NFIB: variants seen among roughly 807,000 people sequenced by gnomAD.
NFIB encodes nuclear factor 1 B-type.
A neutral mutation model predicts 61.5 loss-of-function variants in NFIB; 11 were observed. That is an observed-to-expected ratio of 0.18 (90% CI 0.11 to 0.30). NFIB has a LOEUF of 0.30. Ranked by LOEUF, NFIB falls within the 10% of genes least tolerant of loss-of-function variation. The pLI, the probability that NFIB is intolerant of heterozygous loss-of-function variation, is 1.00. For synonymous variants in NFIB, 260 were observed against 216.5 expected (o/e 1.20, Z -1.76); for missense variants, 471 against 608.9 (o/e 0.77, Z 2.38).
chr9:14,301,041 G>C (rs963878635), intron 2 of NFIB, among the ~76,000 whole-genome samples: 2 of 152,170 alleles, frequency 1.3e-5, no homozygotes, highest in Non-Finnish European at 2.9e-5. Flanking sequence ...GTAAGTAAAT[G>C]AAAAATCCTA....
rs1443077421 is a variant in NFIB, at chr9:14,388,410, A to C, written c.108+10114T>G. On this transcript the variant is annotated intron_variant, in intron 1 of 8. Transcript: ENST00000380934. The stretch of plus-strand genomic sequence containing the variant: ...AAGGAAGGAAGGAAGGAAGGAAGGA[A>C]GGAAGGAAGGAAGGAAGGAGAGAGA... Among the ~76,000 whole-genome samples, 13 of 135,504 alleles carry C rather than the reference A, an allele frequency of 9.6e-5. 1 individual carries two copies. The highest frequency in any genetic ancestry group is 4.2e-4 in the African/African-American group (13 of 30,750). 88.9% of individuals were successfully genotyped at this position (135,504 alleles called of 152,430 possible).
chr9:14,213,320 C>T (rs754969523), intron 2 of NFIB, among the ~76,000 whole-genome samples: 14 of 152,092 alleles, frequency 9.2e-5, no homozygotes, highest in African/African-American at 3.1e-4. Flanking sequence ...AAAGTTAACG[C>T]GGGCCCCCAG....
chr9:14,260,467 T>C (rs967034933), intron 2 of NFIB, among the ~76,000 whole-genome samples: 1 of 152,216 alleles, frequency 6.6e-6, no homozygotes, highest in Non-Finnish European at 1.5e-5. Flanking sequence ...GTTTGTCACT[T>C]TCTAAAGATT....
chr9:14,272,266 C>G (rs955695250), intron 2 of NFIB, among the ~76,000 whole-genome samples: 2 of 152,062 alleles, frequency 1.3e-5, no homozygotes, highest in Non-Finnish European at 2.9e-5. Context: ...ATTTTTCAAT[C>G]TGGCTTTTTG....
chr9:14,281,341 C>T (rs780976790), intron 2 of NFIB, among the ~76,000 whole-genome samples: 51 of 152,190 alleles, frequency 3.4e-4, no homozygotes, highest in Non-Finnish European at 6.6e-4. Context: ...AGAACTAGTA[C>T]ATTTATAAAG....
chr9:14,210,427 A>G (rs953635656), intron 2 of NFIB, among the ~76,000 whole-genome samples: 1 of 152,184 alleles, frequency 6.6e-6, no homozygotes, highest in African/African-American at 2.4e-5. Flanking sequence ...GAACTTAAAA[A>G]GTGATTAAAA....
chr9:14,402,693 TA>T (rs1035642777), upstream of NFIB, among the ~76,000 whole-genome samples: 6 of 152,094 alleles, frequency 3.9e-5, no homozygotes, highest in Non-Finnish European at 8.8e-5. Flanking sequence ...AAGGGGGAAA[TA>T]AAAATCATCC....
the NFIB span, among the ~76,000 whole-genome samples, chr9:14,522,656 C>T: frequency 1.3e-5 from 2 of 152,152 alleles, no homozygotes; most frequent in African/African-American, 4.8e-5. Context: ...TAACTATTAT[C>T]CCCTGCAGTG....
chr9:14,263,138 A>G (rs2132254979), intron 2 of NFIB, among the ~76,000 whole-genome samples: 1 of 152,162 alleles, frequency 6.6e-6, no homozygotes, highest in South Asian at 2.1e-4. Flanking sequence ...GTGGGTTGTT[A>G]TGGCTTTTTG....
intron 1 of NFIB, chr9:14,322,237 T>G (rs969057335): frequency 5.9e-6 from 4 of 683,608 alleles, no homozygotes; most frequent in Admixed American, 9.1e-5. Flanking sequence ...TTTCCAGCTT[T>G]CTTTCCTCTC....
At chr9:14,194,554 C>T (rs2131581560) in intron 2 of NFIB, among the ~76,000 whole-genome samples, 1 of 151,246 alleles carries the variant, frequency 6.6e-6, no homozygotes, top group East Asian at 1.9e-4. Flanking sequence ...AAGTTACAGT[C>T]AAAAAAGAAA....
chr9:14,105,056 GT>G (rs2036354150), intron 10 of NFIB, among the ~76,000 whole-genome samples: 1 of 152,048 alleles, frequency 6.6e-6, no homozygotes, highest in Non-Finnish European at 1.5e-5. Flanking sequence ...AAATGAGTTA[GT>G]TTTTTTGTTG....
chr9:14,127,364 G>A (rs2039804552), intron 6 of NFIB, among the ~76,000 whole-genome samples: 1 of 152,118 alleles, frequency 6.6e-6, no homozygotes, highest in Non-Finnish European at 1.5e-5. Context: ...AATGTTAACT[G>A]TATTCACAAG....
At chr9:14,331,510 A>G (rs2060820167) in intron 1 of NFIB, among the ~76,000 whole-genome samples, 1 of 151,896 alleles carries the variant, frequency 6.6e-6, no homozygotes, top group Non-Finnish European at 1.5e-5. Flanking sequence ...AGTTTTGGAT[A>G]TAGCCAGGAT....
intron 3 of NFIB, among the ~76,000 whole-genome samples, chr9:14,164,453 T>A (rs936780188): frequency 1.9e-4 from 29 of 152,118 alleles, no homozygotes; most frequent in African/African-American, 6.8e-4. Flanking sequence ...GACAATGGTA[T>A]GTGTGTATCT....
rs1190986531 is a variant in NFIB, at chr9:14,313,544, GC to G, written c.-34del. On this transcript the variant is annotated 5_prime_UTR_variant, in exon 1 of 11. It removes the in-frame stop codon of an upstream open reading frame in the 5' UTR. Transcript: ENST00000380953. This position sits in a 1 kb window ranked among gnomAD's most constrained non-coding sequence, Gnocchi z 4.5. The stretch of plus-strand genomic sequence containing the variant: ...CCTTAAAACGCACTTTCCGGGAGAT[GC>G]CCAAGAAAATCTTCGAGAAGCAAGA... 1 of 1,613,254 alleles carries G rather than the reference GC, an allele frequency of 6.2e-7. No homozygotes were observed.
At chr9:14,305,553 T>C (rs1284716906) in intron 2 of NFIB, among the ~76,000 whole-genome samples, 1 of 152,196 alleles carries the variant, frequency 6.6e-6, no homozygotes, top group Non-Finnish European at 1.5e-5. Flanking sequence ...AATTCTTAAA[T>C]GCATGGAAAT....
At chr9:14,456,787 G>C in the NFIB span, among the ~76,000 whole-genome samples, 1 of 152,216 alleles carries the variant, frequency 6.6e-6, no homozygotes, top group East Asian at 1.9e-4. Flanking sequence ...GCCCATATCC[G>C]TCAAAAGCAC....
intron 2 of NFIB, among the ~76,000 whole-genome samples, chr9:14,266,224 C>T (rs1185756551): frequency 1.3e-5 from 2 of 152,102 alleles, no homozygotes; most frequent in Non-Finnish European, 1.5e-5. Flanking sequence ...ATAACCATTC[C>T]CTTATGCTCA....
Sources: allele counts gnomAD v4.1 joint callset (sites outside exome capture counted in the v4.1 genomes callset), GRCh38; gene constraint gnomAD v4.1.1; non-coding constraint Gnocchi (gnomAD v3.1); transcripts MANE v1.5; gene names NCBI Gene and HGNC (gene_info 2026-07-23, HGNC 2026-07-21).